The following CKAP5 variants were observed in gnomAD, a reference collection of about 807,000 sequenced individuals.
CKAP5 encodes the protein cytoskeleton associated protein 5.
CKAP5 carries 27 observed loss-of-function variants against 232.8 expected under a neutral mutation model. The observed-to-expected ratio is 0.12, with a 90% CI of 0.09 to 0.16. CKAP5 has a LOEUF of 0.16. CKAP5 is among the 10% of genes least tolerant of loss of function. CKAP5 has a pLI of 1.00. For missense variants in CKAP5, 1,838 were observed against 2,424.7 expected (o/e 0.76, Z 5.08); for synonymous variants, 785 against 841.1 (o/e 0.93, Z 1.16).
rs1030281709 is a variant in CKAP5, at chr11:46,762,958, G to A, written c.3891+18C>T. 6.2e-7 allele frequency: 1 copy of A among 1,604,918 alleles called. No individual in the cohort carries two copies. The highest frequency in any genetic ancestry group is 8.5e-7 in the Non-Finnish European group (1 of 1,172,268). On this transcript the variant is annotated intron_variant, in intron 30 of 43. Coordinates refer to ENST00000529230, the MANE Select transcript of CKAP5 (RefSeq NM_001008938.4). The stretch of plus-strand genomic sequence containing the variant: ...CTGGGAACTTAAGCAGTCTCCCAGA[G>A]AGAGAACACCACATTACCTTGACGA...
intron 16 of CKAP5, 37 bp from the exon 17 acceptor site, chr11:46,784,710 C>G: frequency 6.7e-7 from 1 of 1,503,428 alleles, no homozygotes; most frequent in South Asian, 1.2e-5. Flanking sequence ...TAAGAGCAAG[C>G]CAAGGACATT....
intron 5 of CKAP5, 133 bp from the exon 6 acceptor site, chr11:46,810,007 T>C (rs1214364193): frequency 4.6e-6 from 4 of 860,500 alleles, no homozygotes; most frequent in Non-Finnish European, 6.9e-6. Flanking sequence ...AGTCTTACTC[T>C]GTCACCCAGG....
chr11:46,772,890 T>A (rs1470370897), intron 24 of CKAP5, among the ~76,000 whole-genome samples: 1 of 151,912 alleles, frequency 6.6e-6, no homozygotes, highest in Admixed American at 6.6e-5. Flanking sequence ...TACAGGCGCA[T>A]GCCACCACAC....
chr11:46,760,872 G>T, intron 32 of CKAP5, 88 bp from the exon 33 acceptor site: 2 of 1,186,410 alleles, frequency 1.7e-6, no homozygotes, highest in Non-Finnish European at 2.4e-6. Context: ...TCTATGTTAG[G>T]ACATGTTTAC....
chr11:46,749,319 G>GTGGCACCCGCCTGTGGTTCCAGC (rs1281146832), intron 42 of CKAP5, among the ~76,000 whole-genome samples: 3 of 151,732 alleles, frequency 2.0e-5, no homozygotes, highest in Non-Finnish European at 4.4e-5. Context: ...GCTGGGTGTG[G>GTGGCACCCGCCTGTGGTTCCAGC]TGGCACCCGC....
At chr11:46,775,322 A>C (rs1441488949) in intron 24 of CKAP5, among the ~76,000 whole-genome samples, 4 of 152,004 alleles carry the variant, frequency 2.6e-5, no homozygotes, top group African/African-American at 9.7e-5. Context: ...CATTAAAACA[A>C]CAGATGCTGG....
intron 16 of CKAP5, 75 bp downstream of exon 16, chr11:46,788,606 T>C: frequency 1.1e-6 from 1 of 870,414 alleles, no homozygotes; most frequent in South Asian, 1.5e-5. Flanking sequence ...AAAACTATTC[T>C]GCTGTATTAC....
intron 1 of CKAP5, among the ~76,000 whole-genome samples, chr11:46,836,110 G>C (rs548198930): frequency 8.5e-5 from 13 of 152,320 alleles, no homozygotes; most frequent in African/African-American, 3.1e-4. Flanking sequence ...CCAAAGACCA[G>C]AGAAGGCTAA....
At chr11:46,842,966 C>CAAA (rs60343444) in intron 1 of CKAP5, among the ~76,000 whole-genome samples, 138 of 38,634 alleles carry the variant, frequency 3.6e-3, no homozygotes, top group Non-Finnish European at 4.0e-3. Flanking sequence ...GACTCCGTCT[C>CAAA]AAAAAAAAAA....
intron 11 of CKAP5, 117 bp from the exon 12 acceptor site, chr11:46,797,057 T>A: frequency 1.8e-6 from 2 of 1,110,634 alleles, no homozygotes; most frequent in Non-Finnish European, 2.6e-6. Context: ...TTACTGGAAC[T>A]AAGTATAGCT....
At chr11:46,818,916 A>G (rs2134687774) in intron 2 of CKAP5, among the ~76,000 whole-genome samples, 1 of 152,286 alleles carries the variant, frequency 6.6e-6, no homozygotes, top group South Asian at 2.1e-4. Context: ...GCTTTATATT[A>G]CACTGTATAT....
intron 36 of CKAP5, 96 bp downstream of exon 36, chr11:46,754,792 C>T (rs1188265243): frequency 1.4e-5 from 14 of 1,017,152 alleles, no homozygotes; most frequent in Non-Finnish European, 1.8e-5. Flanking sequence ...CCAAGTGACA[C>T]AGGACTCACT....
intron 28 of CKAP5, 123 bp downstream of exon 28, chr11:46,765,008 T>C (rs1023801036): frequency 4.7e-6 from 4 of 843,462 alleles, no homozygotes; most frequent in Non-Finnish European, 6.8e-6. Flanking sequence ...AATAATATAA[T>C]TTATAAGCAA....
At chr11:46,773,080 T>C (rs896754588) in intron 24 of CKAP5, among the ~76,000 whole-genome samples, 1 of 152,082 alleles carries the variant, frequency 6.6e-6, no homozygotes, top group Non-Finnish European at 1.5e-5. Flanking sequence ...GAGGTTGTTA[T>C]GCAGATGCTT....
chr11:46,840,267 A>G (rs895438600), intron 1 of CKAP5, among the ~76,000 whole-genome samples: 100 of 152,350 alleles, frequency 6.6e-4, no homozygotes, highest in African/African-American at 2.3e-3. Context: ...TACAGAAACT[A>G]TAATTTGCTA....
At chr11:46,797,060 G>A (rs750124200) in intron 11 of CKAP5, 120 bp from the exon 12 acceptor site, 11 of 1,101,442 alleles carry the variant, frequency 1.0e-5, no homozygotes, top group African/African-American at 1.6e-5. Flanking sequence ...CTGGAACTAA[G>A]TATAGCTTTC....
chr11:46,744,114 T>C lies in CKAP5; in HGVS notation c.6008A>G (p.His2003Arg), dbSNP rs1192628795. The change falls in exon 44 of 44, where the codon CAC becomes CGC. Residue 2003 changes from histidine (H) to arginine (R), a missense_variant. By Grantham distance (29) the His-to-Arg change is conservative (BLOSUM62 0). Transcript: ENST00000529230. Reference protein sequence around the residue: ...QHSDLDSNQTHSSGTVTSSSS... With the variant: ...QHSDLDSNQTRSSGTVTSSSS... ...GGAGGAGGTCACAGTTCCTGAAGAG[T>C]GAGTCTGGTTAGAATCCAGGTCTGA... 1 of 1,613,934 alleles carries C rather than the reference T, an allele frequency of 6.2e-7. No individual in the cohort carries two copies. Among genetic ancestry groups the C allele is most frequent in the Non-Finnish European group, 8.5e-7 (1 of 1,180,022 alleles).
intron 31 of CKAP5, 120 bp from the exon 32 acceptor site, chr11:46,762,313 T>C (rs1164030263): frequency 7.2e-6 from 8 of 1,113,608 alleles, no homozygotes; most frequent in Middle Eastern, 2.4e-4. Context: ...TGGCTCTGCC[T>C]AGGATTTTTT....
At chr11:46,827,229 C>A (rs758676029) in intron 1 of CKAP5, among the ~76,000 whole-genome samples, 1 of 152,084 alleles carries the variant, frequency 6.6e-6, no homozygotes, top group Non-Finnish European at 1.5e-5. Flanking sequence ...AGATACATAG[C>A]CCCTCATTAT....
Sources: allele counts gnomAD v4.1 joint callset (sites outside exome capture counted in the v4.1 genomes callset), GRCh38; gene constraint gnomAD v4.1.1; transcripts MANE v1.5; gene names NCBI Gene and HGNC (gene_info 2026-07-23, HGNC 2026-07-21).